The following AK4 variants were observed in gnomAD, a reference collection of about 807,000 sequenced individuals.
AK4 encodes adenylate kinase 4, also known as adenylate kinase 4, mitochondrial.
A neutral mutation model predicts 24.6 loss-of-function variants in AK4; 13 were observed. The ratio of observed to expected loss-of-function variants is 0.53; its 90% CI spans 0.34 to 0.84. AK4 has a LOEUF of 0.84. AK4 is among the 40% of genes least tolerant of loss of function. AK4 has a pLI of 0.01. For synonymous variants in AK4, 88 were observed against 107.0 expected (o/e 0.82, Z 1.10); for missense variants, 192 against 288.2 (o/e 0.67, Z 2.42).
At chr1:65,224,132 C>A in intron 3 of AK4, among the ~76,000 whole-genome samples, 1 of 152,018 alleles carries the variant, frequency 6.6e-6, no homozygotes, top group East Asian at 1.9e-4. Context: ...ACCAGCTTAC[C>A]TTTTGAGTAA....
chr1:65,153,035 A>T (rs981166832), intron 1 of AK4, among the ~76,000 whole-genome samples: 2 of 152,160 alleles, frequency 1.3e-5, no homozygotes, highest in East Asian at 3.9e-4. Context: ...TTCCCCCCCT[A>T]GCTGGGTGAG....
chr1:65,203,276 T>C (rs77369072), intron 2 of AK4, among the ~76,000 whole-genome samples: 7,463 of 152,222 alleles, frequency 0.049, 358 homozygotes, highest in African/African-American at 0.12. Flanking sequence ...CTAACAAATG[T>C]AAAACTCTTA....
chr1:65,177,094 T>C (rs1350949763), intron 1 of AK4, among the ~76,000 whole-genome samples: 6 of 152,234 alleles, frequency 3.9e-5, no homozygotes, highest in Admixed American at 3.9e-4. Flanking sequence ...ATCACAGATT[T>C]GAGTAATGTT....
intron 2 of AK4, among the ~76,000 whole-genome samples, chr1:65,199,463 C>T (rs996110116): frequency 4.0e-5 from 6 of 151,750 alleles, no homozygotes; most frequent in Non-Finnish European, 5.9e-5. Context: ...GCAGGAGAAT[C>T]GCTTGAACCT....
chr1:65,225,948 G>A, intron 4 of AK4, 115 bp from the exon 5 acceptor site: 2 of 1,081,180 alleles, frequency 1.8e-6, no homozygotes, highest in African/African-American at 1.6e-5. Flanking sequence ...TTAGCACTTA[G>A]TGTGGTATAT....
intron 1 of AK4, among the ~76,000 whole-genome samples, chr1:65,152,382 ATATTTTTTTTTTTTTT>A (rs1649824378): frequency 1.0e-3 from 28 of 26,734 alleles, no homozygotes; most frequent in African/African-American, 2.6e-3. Context: ...ATATATATAT[ATATTTTTTTTTTTTTT>A]TTTTTTTTTT....
At chr1:65,211,139 CT>C (rs753402855) in intron 2 of AK4, among the ~76,000 whole-genome samples, 34 of 152,310 alleles carry the variant, frequency 2.2e-4, no homozygotes, top group South Asian at 8.3e-4. Context: ...ATTCCCAGCA[CT>C]TTGGGAAGCT....
At chr1:65,204,923 T>G (rs565978674) in intron 2 of AK4, among the ~76,000 whole-genome samples, 1 of 152,352 alleles carries the variant, frequency 6.6e-6, no homozygotes, top group South Asian at 2.1e-4. Flanking sequence ...CTTGGTTATA[T>G]CTCTGTGAAT....
intron 2 of AK4, among the ~76,000 whole-genome samples, chr1:65,218,413 A>G (rs1652196394): frequency 6.6e-6 from 1 of 152,232 alleles, no homozygotes; most frequent in Non-Finnish European, 1.5e-5. Flanking sequence ...TTTTTATCAT[A>G]TGATTCCTTA....
chr1:65,202,968 A>C (rs1651709496), intron 2 of AK4, among the ~76,000 whole-genome samples: 1 of 147,716 alleles, frequency 6.8e-6, no homozygotes, highest in African/African-American at 2.5e-5. Context: ...AACTGGGTTC[A>C]AGTGATTGAT....
In AK4 at chr1:65,224,854, G is replaced by A. The variant is rs772771023; in HGVS notation, c.541G>A (p.Val181Ile). 1.5e-5 allele frequency: 25 copies of A among 1,613,140 alleles called. No homozygotes were observed. The highest frequency in any genetic ancestry group is 2.1e-5 in the Non-Finnish European group (25 of 1,179,262). Residue 181 changes from valine (V) to isoleucine (I), a missense_variant, in exon 4 of 5, where the codon GTC (valine) becomes ATC (isoleucine). Coordinates refer to ENST00000327299, the MANE Select transcript of AK4 (RefSeq NM_013410.4). Reference sequence around the variant, plus strand: ...ACAGTACAAAGACGTGGCAAAGCCAGTCATTGAATTATACAAGTGAGTGTG... The same window carrying A: ...ACAGTACAAAGACGTGGCAAAGCCAATCATTGAATTATACAAGTGAGTGTG... ...LRQYKDVAKP[V>I]IELYKSRGVL...
intron 1 of AK4, among the ~76,000 whole-genome samples, chr1:65,163,689 T>C (rs1199629239): frequency 6.6e-6 from 1 of 152,164 alleles, no homozygotes; most frequent in Non-Finnish European, 1.5e-5. Flanking sequence ...AAGACAGGAA[T>C]TGCAATGGAG....
At chr1:65,186,664 A>G (rs1260480346) in intron 1 of AK4, among the ~76,000 whole-genome samples, 1 of 152,216 alleles carries the variant, frequency 6.6e-6, no homozygotes, top group African/African-American at 2.4e-5. Context: ...TTTGTTGTTT[A>G]TCTACCTTAA....
chr1:65,171,144 G>A (rs112693772), intron 1 of AK4, among the ~76,000 whole-genome samples: 20,196 of 118,148 alleles, frequency 0.17, 2,321 homozygotes, highest in African/African-American at 0.34. Flanking sequence ...TTTTTTTTGT[G>A]CAGATAGGGT....
chr1:65,198,529 T>C (rs1651558119), intron 2 of AK4, among the ~76,000 whole-genome samples: 1 of 152,158 alleles, frequency 6.6e-6, no homozygotes, highest in Non-Finnish European at 1.5e-5. Context: ...ACTAAGCTTG[T>C]CAGGGAGCTC....
chr1:65,230,751 G>A lies in AK4; in HGVS notation c.*4574G>A, dbSNP rs1652616836. 1 of 152,106 alleles carries A rather than the reference G, an allele frequency of 6.6e-6. No individual in the cohort carries two copies. The highest frequency in any genetic ancestry group is 1.5e-5 in the Non-Finnish European group (1 of 68,046). The allele number at this position is 152,106 out of a possible 1,614,324, so 9.4% of individuals were successfully genotyped here. A position where few individuals can be genotyped will look rare whatever the true frequency, so the allele number is the denominator to read the frequency against. On this transcript the variant is annotated 3_prime_UTR_variant, in exon 5 of 5. Transcript: ENST00000327299. The stretch of plus-strand genomic sequence containing the variant: ...TTGCTTCAGCCTGGAATCTGTTTTT[G>A]GTGCTTTGGTGCAGAGACAGGAAAT...
At chr1:65,165,053 A>G (rs989230886) in intron 1 of AK4, among the ~76,000 whole-genome samples, 1 of 152,234 alleles carries the variant, frequency 6.6e-6, no homozygotes, top group African/African-American at 2.4e-5. Context: ...AATGGTCTCT[A>G]CCTTCAACAA....
At chr1:65,209,484 C>G (rs922329171) in intron 2 of AK4, among the ~76,000 whole-genome samples, 6 of 152,172 alleles carry the variant, frequency 3.9e-5, no homozygotes, top group African/African-American at 1.4e-4. Flanking sequence ...TTTGAGGGTG[C>G]ATTCTACTCC....
At chr1:65,158,500 C>G (rs916595312) in intron 1 of AK4, among the ~76,000 whole-genome samples, 2 of 152,078 alleles carry the variant, frequency 1.3e-5, no homozygotes, top group Admixed American at 1.3e-4. Context: ...CTTTAGCAAA[C>G]TAGATTTTTT....
Sources: allele counts gnomAD v4.1 joint callset (sites outside exome capture counted in the v4.1 genomes callset), GRCh38; gene constraint gnomAD v4.1.1; transcripts MANE v1.5; gene names NCBI Gene and HGNC (gene_info 2026-07-23, HGNC 2026-07-21).